Variants in MAPK8IP1 observed in about 807,000 individuals in gnomAD.
MAPK8IP1 encodes mitogen-activated protein kinase 8 interacting protein 1, also known as C-Jun-amino-terminal kinase-interacting protein 1.
Under a neutral mutation model 72.6 loss-of-function variants are expected in MAPK8IP1, and 17 were observed. The observed-to-expected ratio is 0.23, with a 90% CI of 0.16 to 0.35. The LOEUF (loss-of-function observed/expected upper bound fraction) is 0.35, where lower values mean the gene tolerates loss of function less well. Ranked by LOEUF, MAPK8IP1 falls within the 10% of genes least tolerant of loss-of-function variation. The pLI, the probability that MAPK8IP1 is intolerant of heterozygous loss-of-function variation, is 1.00. For synonymous variants in MAPK8IP1, 401 were observed against 443.4 expected, an observed-to-expected ratio of 0.90 and a Z score of 1.20; for missense variants, 789 against 1,009.7, an observed-to-expected ratio of 0.78 and a Z score of 2.96.
At chr11:45,888,127 G>T (rs1191568018) in intron 1 of MAPK8IP1, among the ~76,000 whole-genome samples, 1 of 152,198 alleles carries the variant, frequency 6.6e-6, no homozygotes, top group Non-Finnish European at 1.5e-5. Context: ...TGTTTCAAGG[G>T]CTGAGGAGAG....
chr11:45,904,617 G>C lies in MAPK8IP1; in HGVS notation c.1776+53G>C. The C allele has an allele frequency of 1.3e-6, 2 of 1,599,322 alleles. No homozygotes were observed. The highest frequency in any genetic ancestry group is 2.2e-5 in the East Asian group (1 of 44,800). ...CTTGGATGGGTCCCTGGGGCAGAGG[G>C]ACGCAGGTGTCTAGAGGCAGTAAAG... is the stretch of plus-strand genomic sequence containing the variant. On this transcript the variant is annotated intron_variant, in intron 8 of 11. Coordinates refer to ENST00000241014, the MANE Select transcript of MAPK8IP1 (RefSeq NM_005456.4). This position sits in a 1 kb window ranked among gnomAD's most constrained non-coding sequence, Gnocchi z 6.4.
At chr11:45,897,054 C>T (rs1004291372) in intron 1 of MAPK8IP1, 17 of 1,252,196 alleles carry the variant, frequency 1.4e-5, no homozygotes, top group South Asian at 3.9e-5. Context: ...GAGTCTGGGC[C>T]TCCTAGGTTC....
In MAPK8IP1 at chr11:45,900,468, G is replaced by A. The variant is rs373338343; in HGVS notation, c.522+16G>A. On this transcript the variant is annotated intron_variant, in intron 3 of 11. Transcript: ENST00000241014. This position sits in a 1 kb window ranked among gnomAD's most constrained non-coding sequence, Gnocchi z 6.5. ...GCGGTCTCAGGTGAGGCGCCAACGT[G>A]GGGGGCGGCGCCCTGGGCCGCCGCG... The A allele has an allele frequency of 3.3e-6, 5 of 1,530,626 alleles. No individual in the cohort carries two copies. The East Asian group carries it at 7.4e-5, about 23-fold the overall frequency. The allele number at this position is 1,530,626 out of a possible 1,614,324, so 94.8% of individuals were successfully genotyped here.
intron 1 of MAPK8IP1, among the ~76,000 whole-genome samples, chr11:45,895,828 C>T (rs1007064702): frequency 1.3e-5 from 2 of 151,894 alleles, no homozygotes; most frequent in Non-Finnish European, 2.9e-5. Context: ...TGGTGCTGGC[C>T]ACTGGGTTTT....
intron 3 of MAPK8IP1, among the ~76,000 whole-genome samples, chr11:45,901,506 A>G (rs2086652702): frequency 6.6e-6 from 1 of 152,116 alleles, no homozygotes; most frequent in Non-Finnish European, 1.5e-5. Context: ...GCTCTACCAG[A>G]AGGTCCTCAC....
chr11:45,896,784 C>G, intron 1 of MAPK8IP1: 1 of 1,528,094 alleles, frequency 6.5e-7, no homozygotes, highest in Non-Finnish European at 8.8e-7. Flanking sequence ...AGGCCAGAGG[C>G]CCCCAGCCCT....
rs1461970168 is a variant in MAPK8IP1 at position 45,904,259 on chromosome 11, T to TG, written c.1666+104dup. 5.7e-6 allele frequency: 8 copies of TG among 1,401,362 alleles called. No individual in the cohort carries two copies. The South Asian group carries it at 7.3e-5, about 13-fold the overall frequency. 86.8% of individuals were successfully genotyped at this position (1,401,362 alleles called of 1,614,324 possible). A position where few individuals can be genotyped will look rare whatever the true frequency, so the allele number is the denominator to read the frequency against. On this transcript the variant is annotated intron_variant, in intron 7 of 11. Coordinates refer to ENST00000241014, the MANE Select transcript of MAPK8IP1 (RefSeq NM_005456.4). The surrounding 1 kb of genome is among the most constrained non-coding windows in gnomAD (Gnocchi z 6.4). ...GTACTCCAGATCTCAGCCAGCCAGGTGGGGGGCTGAGTGGAAGTGATTTTA... is the reference window on the plus strand; with the variant it reads ...GTACTCCAGATCTCAGCCAGCCAGGTGGGGGGGCTGAGTGGAAGTGATTTTA...
intron 2 of MAPK8IP1, among the ~76,000 whole-genome samples, chr11:45,899,603 G>A (rs2086633748): frequency 6.6e-6 from 1 of 152,162 alleles, no homozygotes; most frequent in Non-Finnish European, 1.5e-5. Flanking sequence ...GGCTTAGGGC[G>A]CGGCTGCCAC....
chr11:45,902,390 A>G lies in MAPK8IP1; in HGVS notation c.623A>G (p.His208Arg). 1.3e-6 allele frequency: 2 copies of G among 1,571,894 alleles called. No homozygotes were observed. Among genetic ancestry groups the G allele is most frequent in the Non-Finnish European group, 1.7e-6 (2 of 1,159,190 alleles). The change falls in exon 5 of 12, where the codon CAT becomes CGT. Residue 208 changes from histidine (H) to arginine (R), a missense_variant. His to Arg is a conservative substitution (Grantham distance 29). Around this residue, in one of 4 missense-constraint regions of MAPK8IP1, gnomAD observed 377 missense variants for 411.7 expected, o/e 0.92. Transcript: ENST00000241014. This position sits in a 1 kb window ranked among gnomAD's most constrained non-coding sequence, Gnocchi z 9.3. ...PLKTGEQTPPHEHICLSDELP... is the reference protein window; with the variant it reads ...PLKTGEQTPPREHICLSDELP... ...TCTCCAGGGGAGCAGACACCACCGCATGAACACATCTGCCTGAGCGATGAG... is the reference window on the plus strand; with the variant it reads ...TCTCCAGGGGAGCAGACACCACCGCGTGAACACATCTGCCTGAGCGATGAG...
chr11:45,898,807 G>T (rs1408713568), intron 2 of MAPK8IP1, among the ~76,000 whole-genome samples: 1 of 152,244 alleles, frequency 6.6e-6, no homozygotes, highest in Non-Finnish European at 1.5e-5. Context: ...TGTCCCTAAA[G>T]ATCTGAATGC....
chr11:45,903,920 A>G lies in MAPK8IP1; in HGVS notation c.1494-69A>G. Reference sequence around the variant, plus strand: ...AAATAACGATGCTGCTGTGGCTCCCAGACCCCAGAGTAGGCCTGGCTGGAC... The same window carrying G: ...AAATAACGATGCTGCTGTGGCTCCCGGACCCCAGAGTAGGCCTGGCTGGAC... On this transcript the variant is annotated intron_variant, in intron 6 of 11. Coordinates refer to ENST00000241014, the MANE Select transcript of MAPK8IP1 (RefSeq NM_005456.4). This position sits in a 1 kb window ranked among gnomAD's most constrained non-coding sequence, Gnocchi z 6.4. 3 of 1,443,398 alleles carry G rather than the reference A, an allele frequency of 2.1e-6. No individual in the cohort carries two copies. Among genetic ancestry groups the G allele is most frequent in the Non-Finnish European group, 2.9e-6 (3 of 1,029,908 alleles). The allele number at this position is 1,443,398 out of a possible 1,614,324, so 89.4% of individuals were successfully genotyped here. A position where few individuals can be genotyped will look rare whatever the true frequency, so the allele number is the denominator to read the frequency against.
chr11:45,885,946 C>T, intron 1 of MAPK8IP1, 25 bp downstream of exon 1: 1 of 1,431,176 alleles, frequency 7.0e-7, no homozygotes, highest in Non-Finnish European at 9.3e-7. Flanking sequence ...CCGCCGCGCG[C>T]CTCGCCCTTC....
chr11:45,900,478 G>A lies in MAPK8IP1; in HGVS notation c.522+26G>A, dbSNP rs1333992785. On this transcript the variant is annotated intron_variant, in intron 3 of 11. Coordinates refer to ENST00000241014, the MANE Select transcript of MAPK8IP1 (RefSeq NM_005456.4). This position sits in a 1 kb window ranked among gnomAD's most constrained non-coding sequence, Gnocchi z 6.5. ...GTGAGGCGCCAACGTGGGGGGCGGCGCCCTGGGCCGCCGCGGAGATGTGAG... is the reference window on the plus strand; with the variant it reads ...GTGAGGCGCCAACGTGGGGGGCGGCACCCTGGGCCGCCGCGGAGATGTGAG... 82 of 1,529,758 alleles carry A rather than the reference G, an allele frequency of 5.4e-5. No individual in the cohort carries two copies. Among genetic ancestry groups the A allele is most frequent in the Non-Finnish European group, 6.7e-5 (77 of 1,144,358 alleles). The allele number at this position is 1,529,758 out of a possible 1,614,324, so 94.8% of individuals were successfully genotyped here.
intron 2 of MAPK8IP1, among the ~76,000 whole-genome samples, chr11:45,899,630 C>T (rs1281725128): frequency 1.3e-5 from 2 of 152,180 alleles, no homozygotes; most frequent in Non-Finnish European, 2.9e-5. Context: ...GGTTCCTGGC[C>T]CCCGCTCGCC....
At chr11:45,901,769 G>A (rs746583103) in intron 3 of MAPK8IP1, among the ~76,000 whole-genome samples, 6 of 152,202 alleles carry the variant, frequency 3.9e-5, no homozygotes, top group Non-Finnish European at 7.3e-5. Context: ...TGAGCAAGGC[G>A]GAGGGCCATC....
At chr11:45,901,936 C>T (rs750437488) in intron 3 of MAPK8IP1, 44 bp from the exon 4 acceptor site, 30 of 1,505,616 alleles carry the variant, frequency 2.0e-5, no homozygotes, top group South Asian at 1.8e-4. Flanking sequence ...GTGCCGGGCA[C>T]TGTTGACCAC....
At position 45,903,179 on chromosome 11, in the gene MAPK8IP1, C is replaced by A; in HGVS notation, c.1412C>A (p.Ser471Tyr). 6.2e-7 allele frequency: 1 copy of A among 1,601,158 alleles called. No homozygotes were observed. Among genetic ancestry groups the A allele is most frequent in the Non-Finnish European group, 8.5e-7 (1 of 1,174,508 alleles). Reference protein sequence around the residue: ...LNVFMSGRSRSSSAESFGLFS... With the variant: ...LNVFMSGRSRYSSAESFGLFS... ...GTCTTCATGAGTGGCCGCTCCCGCT[C>A]CTCCAGTGAGTCAGCAAGGGGAAGC... Residue 471 changes from serine (S) to tyrosine (Y), a missense_variant, in exon 5 of 12, where the codon TCC becomes TAC. Around this residue, in one of 4 missense-constraint regions of MAPK8IP1, gnomAD observed 377 missense variants for 411.7 expected, o/e 0.92. Transcript: ENST00000241014. This position sits in a 1 kb window ranked among gnomAD's most constrained non-coding sequence, Gnocchi z 6.4.
chr11:45,901,290 G>A (rs1212815976), intron 3 of MAPK8IP1, among the ~76,000 whole-genome samples: 1 of 152,114 alleles, frequency 6.6e-6, no homozygotes, highest in East Asian at 1.9e-4. Flanking sequence ...GCATTGTGGG[G>A]AGGGGTCCCA....
Position 45,900,340 on chromosome 11 carries a change from C to T in MAPK8IP1, c.410C>T (p.Ser137Phe). Residue 137 changes from serine to phenylalanine, a missense_variant, in exon 3 of 12, where the codon TCC (serine) becomes TTC (phenylalanine). Physicochemically the swap from Ser to Phe is radical, Grantham distance 155 (BLOSUM62 -2). Coordinates refer to ENST00000241014, the MANE Select transcript of MAPK8IP1 (RefSeq NM_005456.4). The surrounding 1 kb of genome is among the most constrained non-coding windows in gnomAD (Gnocchi z 6.5). The stretch of plus-strand genomic sequence containing the variant: ...GCCGAGTCCGGCCAGGAGCCGGCGT[C>T]CCGCGGCCAGGGCCAGAGCCAAGGC... The part of the protein sequence containing the change: ...PKAESGQEPA[S>F]RGQGQSQGQS... The T allele has an allele frequency of 3.4e-6, 5 of 1,450,712 alleles. No homozygotes were observed. In the South Asian group the frequency reaches 6.7e-5, roughly 19 times the overall value. The allele number at this position is 1,450,712 out of a possible 1,614,324, so 89.9% of individuals were successfully genotyped here.
Sources: gnomAD v4.1 joint callset for allele counts (sites outside exome capture counted in the v4.1 genomes callset) on GRCh38, gnomAD v4.1.1 for gene constraint, gnomAD v4.1.1 regional missense constraint, Gnocchi (gnomAD v3.1) non-coding constraint, MANE v1.5 for transcripts, NCBI Gene and HGNC (gene_info 2026-07-23, HGNC 2026-07-21) for gene names.